PALM2AKAP2: variants seen among roughly 807,000 people sequenced by gnomAD.
PALM2AKAP2 encodes the protein PALM2-AKAP2 fusion protein.
In PALM2AKAP2, 37 loss-of-function variants were observed where a neutral mutation model predicts 71.5. The observed-to-expected ratio is 0.52, with a 90% CI of 0.40 to 0.68. The LOEUF (loss-of-function observed/expected upper bound fraction) is 0.68. Ranked by LOEUF, PALM2AKAP2 falls within the 30% of genes least tolerant of loss-of-function variation. The probability of loss-of-function intolerance (pLI) is 0.00; values close to 1 mark genes in which losing one functional copy is unlikely to be tolerated. For missense variants in PALM2AKAP2, 1,224 were observed against 1,191.8 expected (o/e 1.03, Z -0.40); for synonymous variants, 468 against 478.8 (o/e 0.98, Z 0.29).
At chr9:109,664,778 G>T (rs1213998034) in intron 1 of PALM2AKAP2, among the ~76,000 whole-genome samples, 1 of 152,212 alleles carries the variant, frequency 6.6e-6, no homozygotes, top group Non-Finnish European at 1.5e-5. Context: ...ATACCCTGAA[G>T]AGTGTTTTAC....
At chr9:109,840,316 T>A (rs1828621009) in intron 1 of PALM2AKAP2, among the ~76,000 whole-genome samples, 1 of 152,158 alleles carries the variant, frequency 6.6e-6, no homozygotes, top group African/African-American at 2.4e-5. Context: ...TAGCCATATG[T>A]AGAAAGCTGA....
upstream of PALM2AKAP2, among the ~76,000 whole-genome samples, chr9:110,047,621 C>A (rs1250998010): frequency 2.6e-5 from 4 of 152,124 alleles, no homozygotes; most frequent in African/African-American, 9.7e-5. Flanking sequence ...ACTTGCAAAG[C>A]TGGGGAGAGA....
chr9:109,922,835 C>T (rs987675966), intron 3 of PALM2AKAP2, among the ~76,000 whole-genome samples: 1 of 152,186 alleles, frequency 6.6e-6, no homozygotes, highest in African/African-American at 2.4e-5. Flanking sequence ...ATCCTTGCTT[C>T]AAGGCTCTGT....
intron 1 of PALM2AKAP2, among the ~76,000 whole-genome samples, chr9:110,114,521 A>C (rs1451828036): frequency 6.6e-6 from 1 of 152,224 alleles, no homozygotes; most frequent in Non-Finnish European, 1.5e-5. Context: ...ATGATGACCC[A>C]GAGTCTCAGG....
chr9:109,687,738 A>T (rs1330337829), intron 1 of PALM2AKAP2, among the ~76,000 whole-genome samples: 1 of 152,302 alleles, frequency 6.6e-6, no homozygotes, highest in African/African-American at 2.4e-5. Flanking sequence ...CTTTGCATTC[A>T]CAACTTGGCT....
intron 3 of PALM2AKAP2, among the ~76,000 whole-genome samples, chr9:109,912,641 A>T (rs1830594728): frequency 6.6e-6 from 1 of 152,240 alleles, no homozygotes; most frequent in African/African-American, 2.4e-5. Context: ...TCTACCTAGA[A>T]TATTGAAATG....
At chr9:109,879,728 G>C (rs1259983109) in intron 2 of PALM2AKAP2, among the ~76,000 whole-genome samples, 1 of 140,812 alleles carries the variant, frequency 7.1e-6, no homozygotes, top group Non-Finnish European at 1.5e-5. Context: ...ACAGGGTCTC[G>C]TTCTATCACC....
chr9:110,137,578 C>T, exon 2 of PALM2AKAP2: 2 of 1,614,166 alleles, frequency 1.2e-6, no homozygotes, highest in Admixed American at 1.7e-5. Context: ...TCACTGTGGT[C>T]AAGGATGATG....
chr9:109,846,076 G>T (rs921155339), intron 1 of PALM2AKAP2, among the ~76,000 whole-genome samples: 10 of 152,146 alleles, frequency 6.6e-5, no homozygotes, highest in African/African-American at 2.4e-4. Context: ...CCTTTAGATT[G>T]GGTGAATCAG....
rs74997574 is a variant in PALM2AKAP2, at chr9:109,975,190, A to T, written c.497-40764A>T. Among the ~76,000 whole-genome samples, 1,458 of 152,334 alleles carry T rather than the reference A, an allele frequency of 9.6e-3. 31 individuals are homozygous for T. Among genetic ancestry groups the T allele is most frequent in the African/African-American group, 0.033 (1,374 of 41,576 alleles). ...GCTCACTCAATTATGGCGGTTGAGA[A>T]GCCCCACGATCTACTATCTACAAGC... is the stretch of plus-strand genomic sequence containing the variant. On this transcript the variant is annotated intron_variant, in intron 6 of 9. Transcript: ENST00000302798.
chr9:110,005,530 A>G (rs1832761452), intron 6 of PALM2AKAP2, among the ~76,000 whole-genome samples: 1 of 152,218 alleles, frequency 6.6e-6, no homozygotes, highest in Admixed American at 6.5e-5. Context: ...GTGTGCTGGG[A>G]GAACCACTAC....
At chr9:110,073,769 G>A (rs1452268288) in intron 1 of PALM2AKAP2, among the ~76,000 whole-genome samples, 2 of 152,072 alleles carry the variant, frequency 1.3e-5, no homozygotes, top group African/African-American at 4.8e-5. Flanking sequence ...AATTGTTTCA[G>A]GGATACTATA....
chr9:110,105,202 T>C (rs1373703457), intron 1 of PALM2AKAP2, among the ~76,000 whole-genome samples: 1 of 152,250 alleles, frequency 6.6e-6, no homozygotes, highest in Non-Finnish European at 1.5e-5. Context: ...ACGCATATGT[T>C]CTCTGTCTTC....
intron 1 of PALM2AKAP2, among the ~76,000 whole-genome samples, chr9:110,088,593 C>T (rs1308558102): frequency 6.7e-6 from 1 of 149,892 alleles, no homozygotes; most frequent in African/African-American, 2.4e-5. Flanking sequence ...CGTGAATTGG[C>T]TTTAGGTTCC....
At chr9:109,802,804 C>T (rs1377203039) in intron 1 of PALM2AKAP2, among the ~76,000 whole-genome samples, 1 of 152,308 alleles carries the variant, frequency 6.6e-6, no homozygotes, top group East Asian at 1.9e-4. Context: ...TCCAGGGCTG[C>T]CTCCATCCTA....
chr9:109,678,725 T>C lies in PALM2AKAP2; in HGVS notation c.5+37859T>C, dbSNP rs553437231. Among the ~76,000 whole-genome samples, 255 of 152,318 alleles carry C rather than the reference T, an allele frequency of 1.7e-3. 1 individual carries two copies. Among genetic ancestry groups the C allele is most frequent in the African/African-American group, 5.8e-3 (240 of 41,572 alleles). ...GAAATCATTGTTAGTCCCAATGTTATAGTGTTGTTTTCTTTTCTTTTTTTC... is the reference window on the plus strand; with the variant it reads ...GAAATCATTGTTAGTCCCAATGTTACAGTGTTGTTTTCTTTTCTTTTTTTC... On this transcript the variant is annotated intron_variant, in intron 1 of 6. Transcript: ENST00000374531.
intron 6 of PALM2AKAP2, among the ~76,000 whole-genome samples, chr9:109,973,522 T>C (rs1832111242): frequency 6.6e-6 from 1 of 152,182 alleles, no homozygotes; most frequent in African/African-American, 2.4e-5. Flanking sequence ...TTATATTCCA[T>C]TGGCCAAGGC....
intron 1 of PALM2AKAP2, among the ~76,000 whole-genome samples, chr9:109,785,442 T>C (rs1334511538): frequency 6.6e-6 from 1 of 152,206 alleles, no homozygotes; most frequent in African/African-American, 2.4e-5. Context: ...TCCCAGCCTC[T>C]CCTGACTCCC....
intron 1 of PALM2AKAP2, among the ~76,000 whole-genome samples, chr9:109,768,887 A>G (rs1829208425): frequency 6.6e-6 from 1 of 152,208 alleles, no homozygotes; most frequent in Non-Finnish European, 1.5e-5. Context: ...CAGGAGGCCA[A>G]GGTGGGAGGA....
Sources: gnomAD v4.1 joint callset for allele counts (sites outside exome capture counted in the v4.1 genomes callset) on GRCh38, gnomAD v4.1.1 for gene constraint, MANE v1.5 for transcripts, NCBI Gene and HGNC (gene_info 2026-07-23, HGNC 2026-07-21) for gene names.